Variants in MAPRE2 observed in about 807,000 individuals in gnomAD.
MAPRE2 encodes microtubule-associated protein RP/EB family member 2.
Under a neutral mutation model 43.2 loss-of-function variants are expected in MAPRE2, and 13 were observed. The ratio of observed to expected loss-of-function variants is 0.30; its 90% CI spans 0.20 to 0.48. The LOEUF (loss-of-function observed/expected upper bound fraction) is 0.48, where lower values mean the gene tolerates loss of function less well. Among genes scored for constraint, MAPRE2 ranks in the 20% least tolerant of loss-of-function variants. MAPRE2 has a pLI of 0.99. For missense variants in MAPRE2, 161 were observed against 400.2 expected (o/e 0.40, Z 5.10); for synonymous variants, 135 against 148.8 (o/e 0.91, Z 0.68).
rs544332907 is a variant in MAPRE2 at position 34,982,645 on chromosome 18, T to C, written c.-70+5566T>C. Among the ~76,000 whole-genome samples the C allele has an allele frequency of 2.6e-5, 4 of 152,352 alleles. No individual in the cohort carries two copies. The East Asian group carries it at 7.7e-4, about 29-fold the overall frequency. ...GAGAAGTATCCAAAATTATATTTCT[T>C]AAACCAGAGCTTTATAGAATAGAAT... is the stretch of plus-strand genomic sequence containing the variant. On this transcript the variant is annotated intron_variant, in intron 1 of 7. Coordinates refer to the MAPRE2 transcript ENST00000413393.
intron 2 of MAPRE2, among the ~76,000 whole-genome samples, chr18:35,035,468 T>A (rs1478443593): frequency 1.3e-5 from 2 of 151,886 alleles, no homozygotes; most frequent in Non-Finnish European, 2.9e-5. Flanking sequence ...CATATGTAAC[T>A]AACCTGCACA....
At chr18:35,002,319 C>T (rs2097029761) in intron 1 of MAPRE2, among the ~76,000 whole-genome samples, 2 of 152,116 alleles carry the variant, frequency 1.3e-5, no homozygotes, top group African/African-American at 2.4e-5. Context: ...GGATGCAGCA[C>T]GGTTTGTTTA....
At chr18:34,984,509 T>A (rs573987869) in intron 1 of MAPRE2, 1 of 151,952 alleles carries the variant, frequency 6.6e-6, no homozygotes, top group East Asian at 1.9e-4. Flanking sequence ...CTAAATTATT[T>A]CTAAAAGCAA....
chr18:35,102,889 T>C (rs570198795), intron 4 of MAPRE2, among the ~76,000 whole-genome samples: 2 of 152,286 alleles, frequency 1.3e-5, no homozygotes, highest in African/African-American at 4.8e-5. Context: ...TCATCCAAAA[T>C]CATGTTTCCA....
At chr18:35,097,668 A>G (rs1191059813) in intron 3 of MAPRE2, 77 bp downstream of exon 3, 10 of 1,349,584 alleles carry the variant, frequency 7.4e-6, no homozygotes, top group Non-Finnish European at 9.2e-6. Flanking sequence ...AAAGTCCAGG[A>G]GCATACCAAT....
chr18:35,087,037 C>T (rs1211074818), intron 2 of MAPRE2, among the ~76,000 whole-genome samples: 1 of 152,082 alleles, frequency 6.6e-6, no homozygotes, highest in African/African-American at 2.4e-5. Flanking sequence ...ATGAAATTGT[C>T]TTAGGCTTTT....
intron 1 of MAPRE2, among the ~76,000 whole-genome samples, chr18:35,053,232 A>G (rs1275741886): frequency 6.6e-6 from 1 of 152,016 alleles, no homozygotes; most frequent in Non-Finnish European, 1.5e-5. Flanking sequence ...CATCTCTACT[A>G]AAAATACAAA....
chr18:35,106,925 T>C (rs557591328), intron 4 of MAPRE2, among the ~76,000 whole-genome samples: 78 of 152,322 alleles, frequency 5.1e-4, no homozygotes, highest in African/African-American at 1.7e-3. Flanking sequence ...GTAAATTTAT[T>C]GCTATGAGCC....
At chr18:35,103,163 A>G (rs1012852609) in intron 4 of MAPRE2, among the ~76,000 whole-genome samples, 1 of 152,148 alleles carries the variant, frequency 6.6e-6, no homozygotes, top group African/African-American at 2.4e-5. Context: ...AAATTTTTTT[A>G]ATATTTAAAA....
rs184486387 is a variant in MAPRE2, at chr18:35,017,329, A to T, written c.-8+11776A>T. On this transcript the variant is annotated intron_variant, in intron 2 of 7. Coordinates refer to the MAPRE2 transcript ENST00000413393. ...ATATGGAATTTTATAATTTTTTTCT[A>T]GTTCTTTGAAAAAATGATGTTGGTA... 4.7e-5 allele frequency among the ~76,000 whole-genome samples: 5 copies of T among 106,628 alleles called. No individual in the cohort carries two copies. In the East Asian group the frequency reaches 1.0e-3, roughly 22 times the overall value. 70.0% of individuals were successfully genotyped at this position (106,628 alleles called of 152,430 possible). A position where few individuals can be genotyped will look rare whatever the true frequency, so the allele number is the denominator to read the frequency against.
chr18:35,042,941 T>C (rs1603393170), intron 1 of MAPRE2, among the ~76,000 whole-genome samples: 2 of 151,728 alleles, frequency 1.3e-5, no homozygotes. Flanking sequence ...AAAAAAATTA[T>C]AAGCAACCTT....
chr18:35,115,616 G>A (rs937240020), intron 4 of MAPRE2, among the ~76,000 whole-genome samples: 4 of 151,764 alleles, frequency 2.6e-5, no homozygotes, highest in South Asian at 2.1e-4. Context: ...ATGAGAACAC[G>A]CACTATTTGA....
rs147220902 is a variant in MAPRE2 at position 35,115,719 on chromosome 18, G to T, written c.611-11229G>T. On this transcript the variant is annotated intron_variant, in intron 4 of 6. Coordinates refer to ENST00000300249, the MANE Select transcript of MAPRE2 (RefSeq NM_014268.4). ...TATTATTTCATTCCTTTTTATGGCT[G>T]AGTAGTATTCCGTGATGTATATATA... Among the ~76,000 whole-genome samples, 380 of 152,270 alleles carry T rather than the reference G, an allele frequency of 2.5e-3. 13 individuals carry two copies. The East Asian group carries it at 0.066, about 26-fold the overall frequency.
chr18:35,044,837 T>A (rs921831531), intron 1 of MAPRE2, among the ~76,000 whole-genome samples: 2 of 152,176 alleles, frequency 1.3e-5, no homozygotes, highest in Non-Finnish European at 2.9e-5. Context: ...GTTATAGCAT[T>A]TGCACCATAT....
chr18:35,061,666 G>A lies in MAPRE2; in HGVS notation c.123-8529G>A, dbSNP rs549316589. ...TTCCAGCCCTAGAATCCATGCATAC[G>A]GCAATTAGTCCACAAGTTAAACAGA... On this transcript the variant is annotated intron_variant, in intron 1 of 6. Transcript: ENST00000300249. Among the ~76,000 whole-genome samples the A allele has an allele frequency of 2.6e-4, 39 of 152,260 alleles. No homozygotes were observed. In the South Asian group the frequency reaches 7.9e-3, roughly 31 times the overall value.
At chr18:35,015,377 C>G (rs2097037499) in intron 2 of MAPRE2, among the ~76,000 whole-genome samples, 1 of 152,086 alleles carries the variant, frequency 6.6e-6, no homozygotes, top group South Asian at 2.1e-4. Flanking sequence ...CTACGGTGTA[C>G]CAGATACTCT....
chr18:35,115,135 A>C (rs529180924), intron 4 of MAPRE2, among the ~76,000 whole-genome samples: 1 of 152,288 alleles, frequency 6.6e-6, no homozygotes, highest in Admixed American at 6.5e-5. Context: ...GTCTTGCTCA[A>C]TCATTGTTCC....
At chr18:35,133,811 A>G (rs918997740) in intron 6 of MAPRE2, among the ~76,000 whole-genome samples, 14 of 152,192 alleles carry the variant, frequency 9.2e-5, no homozygotes, top group African/African-American at 3.4e-4. Flanking sequence ...GCCTCAGGCA[A>G]GAGCCCTTGC....
At chr18:35,083,655 A>G (rs1907743970) in intron 2 of MAPRE2, among the ~76,000 whole-genome samples, 1 of 152,136 alleles carries the variant, frequency 6.6e-6, no homozygotes, top group Admixed American at 6.5e-5. Flanking sequence ...ACCAAGTCAG[A>G]CACCTTATTT....
Sources: gnomAD v4.1 joint callset for allele counts (sites outside exome capture counted in the v4.1 genomes callset) on GRCh38, gnomAD v4.1.1 for gene constraint, MANE v1.5 for transcripts, NCBI Gene and HGNC (gene_info 2026-07-23, HGNC 2026-07-21) for gene names.